Variants in TBXAS1 observed in about 807,000 individuals in gnomAD.
TBXAS1 encodes the protein thromboxane A synthase 1.
In TBXAS1, 48 loss-of-function variants were observed where a neutral mutation model predicts 60.7. The observed-to-expected ratio is 0.79, with a 90% confidence interval of 0.63 to 1.01. The LOEUF is 1.01. Ranked by LOEUF, TBXAS1 falls within the 50% of genes least tolerant of loss-of-function variation. The pLI, the probability that TBXAS1 is intolerant of heterozygous loss-of-function variation, is 0.00. For missense variants in TBXAS1, 685 were observed against 686.3 expected, an observed-to-expected ratio of 1.00 and a Z score of 0.02; for synonymous variants, 287 against 269.7, an observed-to-expected ratio of 1.06 and a Z score of -0.63.
At chr7:140,010,999 C>T (rs779549981) in intron 10 of TBXAS1, among the ~76,000 whole-genome samples, 75 of 151,624 alleles carry the variant, frequency 4.9e-4, no homozygotes, top group Non-Finnish European at 8.7e-4. Flanking sequence ...CAGTCCCGGC[C>T]GGGTGTAGTG....
At chr7:139,838,259 A>G (rs1799197717) in intron 1 of TBXAS1, among the ~76,000 whole-genome samples, 1 of 152,144 alleles carries the variant, frequency 6.6e-6, no homozygotes, top group Non-Finnish European at 1.5e-5. Context: ...TCCTCAGGGA[A>G]GTGTTTTCTG....
At chr7:139,922,128 T>C (rs1806528213) in intron 4 of TBXAS1, among the ~76,000 whole-genome samples, 1 of 150,678 alleles carries the variant, frequency 6.6e-6, no homozygotes, top group Admixed American at 6.6e-5. Flanking sequence ...CGAGATGGAG[T>C]TTTGCTCTTG....
intron 1 of TBXAS1, among the ~76,000 whole-genome samples, chr7:139,841,801 G>A (rs1799470554): frequency 6.6e-6 from 1 of 152,028 alleles, no homozygotes; most frequent in Admixed American, 6.6e-5. Flanking sequence ...TATGACCTTC[G>A]GAGGCATTTT....
At chr7:139,864,454 A>G (rs951317356) in intron 1 of TBXAS1, among the ~76,000 whole-genome samples, 5 of 152,212 alleles carry the variant, frequency 3.3e-5, no homozygotes, top group African/African-American at 1.2e-4. Context: ...TATACATTTA[A>G]TGCAATTCCA....
chr7:139,995,384 G>A (rs191981653), intron 9 of TBXAS1, among the ~76,000 whole-genome samples: 227 of 152,260 alleles, frequency 1.5e-3, no homozygotes, highest in African/African-American at 5.1e-3. Flanking sequence ...ATGCAGGAGG[G>A]GTGTGCGGAG....
At chr7:139,842,784 T>A (rs1799546609) in intron 1 of TBXAS1, among the ~76,000 whole-genome samples, 1 of 152,202 alleles carries the variant, frequency 6.6e-6, no homozygotes, top group Non-Finnish European at 1.5e-5. Context: ...TGTGGGGCCC[T>A]CCTAAACCTC....
chr7:140,003,719 C>T (rs1029234274), intron 9 of TBXAS1, among the ~76,000 whole-genome samples: 1 of 152,202 alleles, frequency 6.6e-6, no homozygotes, highest in Non-Finnish European at 1.5e-5. Flanking sequence ...GCTTCCAGAT[C>T]CAGTTTTTCT....
At chr7:139,866,297 G>C (rs1261922815) in intron 1 of TBXAS1, among the ~76,000 whole-genome samples, 2 of 152,052 alleles carry the variant, frequency 1.3e-5, no homozygotes, top group African/African-American at 2.4e-5. Context: ...CTAAAATATA[G>C]AAAACACGCT....
intron 1 of TBXAS1, among the ~76,000 whole-genome samples, chr7:139,838,482 C>T (rs1016501170): frequency 6.6e-6 from 1 of 152,200 alleles, no homozygotes; most frequent in Admixed American, 6.5e-5. Context: ...GACCCACTCC[C>T]TTTCCTGAAA....
chr7:139,900,283 A>G (rs1804464093), intron 3 of TBXAS1, among the ~76,000 whole-genome samples: 2 of 152,204 alleles, frequency 1.3e-5, no homozygotes, highest in South Asian at 4.1e-4. Flanking sequence ...TTTCACTCCC[A>G]TATTTCAGCC....
intron 4 of TBXAS1, among the ~76,000 whole-genome samples, chr7:139,922,181 A>C (rs1170051496): frequency 1.3e-5 from 2 of 150,010 alleles, no homozygotes; most frequent in East Asian, 3.9e-4. Flanking sequence ...AGCTCACTAC[A>C]ACCTCTGCCT....
Position 139,911,250 on chromosome 7 carries a change from A to AC in TBXAS1, c.262_263insC (p.Ile88ThrfsTer5). 7 of 1,614,074 alleles carry AC rather than the reference A, an allele frequency of 4.3e-6. No individual in the cohort carries two copies. The highest frequency in any genetic ancestry group is 5.1e-6 in the Non-Finnish European group (6 of 1,180,016). ...GTACTATCTTGGTCGTCGGATGTTT[A>AC]TTGTTATTTCTGAGCCAGACATGAT... On this transcript the variant is annotated frameshift_variant, in exon 4 of 13. Transcript: ENST00000448866. LOFTEE classifies it high-confidence loss of function.
In TBXAS1 at chr7:139,954,995, CA is replaced by C. The variant is rs1206530885; in HGVS notation, c.540-462del. ...CTAGATAATTAGGTTGTTAATTCATCAAGGACAATTTGATGTCTATCAGTCA... is the reference window on the plus strand; with the variant it reads ...CTAGATAATTAGGTTGTTAATTCATCAGGACAATTTGATGTCTATCAGTCA... On this transcript the variant is annotated intron_variant, in intron 6 of 12. Transcript: ENST00000448866. 9.8e-5 allele frequency among the ~76,000 whole-genome samples: 15 copies of C among 152,338 alleles called. 1 individual carries two copies. The Middle Eastern group carries it at 0.01, about 104-fold the overall frequency.
intron 1 of TBXAS1, among the ~76,000 whole-genome samples, chr7:139,848,044 C>T (rs1799935783): frequency 6.6e-6 from 1 of 152,148 alleles, no homozygotes; most frequent in Admixed American, 6.6e-5. Flanking sequence ...TGGTCTCAAG[C>T]TCTTGGCCTC....
intron 3 of TBXAS1, among the ~76,000 whole-genome samples, chr7:139,784,880 G>A (rs1257830059): frequency 7.8e-6 from 1 of 128,082 alleles, no homozygotes; most frequent in Non-Finnish European, 1.6e-5. Context: ...ATCAGTAAGT[G>A]TATAATGCGT....
chr7:139,895,295 C>T (rs1804001046), intron 3 of TBXAS1, among the ~76,000 whole-genome samples: 3 of 151,626 alleles, frequency 2.0e-5, no homozygotes, highest in Admixed American at 2.0e-4. Context: ...ACTGGAAAGC[C>T]TTCGTTGCCA....
intron 4 of TBXAS1, among the ~76,000 whole-genome samples, chr7:139,798,893 A>G (rs989951231): frequency 7.2e-5 from 11 of 152,030 alleles, no homozygotes; most frequent in African/African-American, 2.7e-4. Flanking sequence ...GCCAGTCTGG[A>G]CCTCAGATCT....
At chr7:139,790,988 G>C (rs1797363774) in intron 4 of TBXAS1, among the ~76,000 whole-genome samples, 1 of 152,142 alleles carries the variant, frequency 6.6e-6, no homozygotes, top group Admixed American at 6.5e-5. Flanking sequence ...TGTTTTTGTA[G>C]AGATGGAGTT....
At chr7:139,972,919 C>G (rs537754923) in intron 9 of TBXAS1, among the ~76,000 whole-genome samples, 15 of 151,964 alleles carry the variant, frequency 9.9e-5, no homozygotes, top group African/African-American at 3.6e-4. Flanking sequence ...AACTGGAAAC[C>G]AACTCCAAGC....
Sources: allele counts gnomAD v4.1 joint callset (sites outside exome capture counted in the v4.1 genomes callset), GRCh38; gene constraint gnomAD v4.1.1; transcripts MANE v1.5; gene names NCBI Gene and HGNC (gene_info 2026-07-23, HGNC 2026-07-21).